The following KCNMA1 variants were observed in gnomAD, a reference collection of about 807,000 sequenced individuals.
The protein encoded by KCNMA1 is potassium calcium-activated channel subfamily M alpha 1, also known as Calcium-activated potassium channel subunit alpha-1.
Under a neutral mutation model 140.0 loss-of-function variants are expected in KCNMA1, and 29 were observed. The ratio of observed to expected loss-of-function variants is 0.21; its 90% confidence interval spans 0.15 to 0.28. KCNMA1 has a LOEUF of 0.28. KCNMA1 is among the 10% of genes least tolerant of loss of function. The pLI, the probability that KCNMA1 is intolerant of heterozygous loss-of-function variation, is 1.00. For synonymous variants in KCNMA1, 612 were observed against 611.9 expected (o/e 1.00, Z 0.00); for missense variants, 880 against 1,602.2 (o/e 0.55, Z 7.70).
intron 2 of KCNMA1, among the ~76,000 whole-genome samples, chr10:77,326,702 C>A (rs969138265): frequency 2.6e-5 from 4 of 152,154 alleles, no homozygotes; most frequent in Non-Finnish European, 5.9e-5. Flanking sequence ...CATATTAATG[C>A]TATTGATAAT....
At chr10:76,985,302 C>T (rs979563145) in intron 19 of KCNMA1, among the ~76,000 whole-genome samples, 5 of 152,128 alleles carry the variant, frequency 3.3e-5, no homozygotes, top group East Asian at 3.9e-4. Context: ...GCTCTAACAA[C>T]GTGTTATTAA....
chr10:77,636,863 C>T lies in KCNMA1; in HGVS notation c.378+402G>A, dbSNP rs2093799844. On this transcript the variant is annotated intron_variant, in intron 1 of 27. Transcript: ENST00000286628. ...CTCTCGCCCACCGCCAGGAGCCGAG[C>T]CCCGGCAGGTGAGCGGTGCAAAACA... 4.2e-6 allele frequency: 6 copies of T among 1,429,790 alleles called. No homozygotes were observed. The East Asian group carries it at 1.3e-4, about 30-fold the overall frequency. The allele number at this position is 1,429,790 out of a possible 1,614,324, so 88.6% of individuals were successfully genotyped here. A position where few individuals can be genotyped will look rare whatever the true frequency, so the allele number is the denominator to read the frequency against.
rs559385154 is a variant in KCNMA1, at chr10:77,173,749, A to G, written c.808+9672T>C. Among the ~76,000 whole-genome samples, 7 of 152,256 alleles carry G rather than the reference A, an allele frequency of 4.6e-5. No homozygotes were observed. In the East Asian group the frequency reaches 5.8e-4, roughly 13 times the overall value. On this transcript the variant is annotated intron_variant, in intron 5 of 27. Coordinates refer to ENST00000286628, the MANE Select transcript of KCNMA1 (RefSeq NM_001161352.2). ...CTTAGAAGGCTCTGGGCTTCAGGGA[A>G]TCTAGATGTCCAAGTTGAAAGTCAG...
At chr10:77,171,347 C>A (rs1163586501) in intron 5 of KCNMA1, among the ~76,000 whole-genome samples, 3 of 151,798 alleles carry the variant, frequency 2.0e-5, no homozygotes, top group South Asian at 2.1e-4. Flanking sequence ...TACCACGACC[C>A]AAAGAGCCTC....
intron 3 of KCNMA1, among the ~76,000 whole-genome samples, chr10:77,212,858 A>G (rs947082359): frequency 6.6e-6 from 1 of 152,188 alleles, no homozygotes; most frequent in African/African-American, 2.4e-5. Context: ...ATGACAGGAA[A>G]CTTCTAGACA....
intron 1 of KCNMA1, among the ~76,000 whole-genome samples, chr10:77,432,155 G>A (rs752791193): frequency 6.6e-6 from 1 of 152,144 alleles, no homozygotes; most frequent in Non-Finnish European, 1.5e-5. Context: ...GAGCACCTTC[G>A]GGTTACTGGG....
chr10:77,466,541 A>G (rs1296039260), intron 1 of KCNMA1, among the ~76,000 whole-genome samples: 2 of 152,226 alleles, frequency 1.3e-5, no homozygotes, highest in Non-Finnish European at 2.9e-5. Context: ...ACAAAGGCCA[A>G]TCAAGTACAC....
chr10:77,383,665 GT>G (rs995003590), intron 2 of KCNMA1, among the ~76,000 whole-genome samples: 4 of 151,906 alleles, frequency 2.6e-5, no homozygotes, highest in Non-Finnish European at 5.9e-5. Flanking sequence ...TTATAATAAG[GT>G]TTTTTTACAG....
At chr10:77,069,894 C>T (rs182303192) in intron 14 of KCNMA1, among the ~76,000 whole-genome samples, 32 of 152,236 alleles carry the variant, frequency 2.1e-4, no homozygotes, top group African/African-American at 6.3e-4. Context: ...TGGCTCACTG[C>T]GACCTCCGCC....
chr10:77,140,327 A>T (rs917960974), intron 5 of KCNMA1: 2 of 152,830 alleles, frequency 1.3e-5, no homozygotes, highest in African/African-American at 2.4e-5. Flanking sequence ...CAAGACACCA[A>T]TGACTGCCGG....
intron 3 of KCNMA1, among the ~76,000 whole-genome samples, chr10:77,198,730 C>T (rs2154150910): frequency 6.6e-6 from 1 of 152,096 alleles, no homozygotes; most frequent in African/African-American, 2.4e-5. Context: ...TAATATAAGG[C>T]TTGTTATCAT....
At chr10:76,930,448 C>T (rs577424957) in intron 23 of KCNMA1, among the ~76,000 whole-genome samples, 1 of 152,198 alleles carries the variant, frequency 6.6e-6, no homozygotes, top group East Asian at 1.9e-4. Flanking sequence ...GTTAAGATTG[C>T]TATTATTGAA....
intron 23 of KCNMA1, among the ~76,000 whole-genome samples, chr10:76,941,067 GAA>G (rs1491365562): frequency 4.0e-4 from 32 of 79,408 alleles, no homozygotes; most frequent in East Asian, 1.8e-3. Context: ...AAGAAAGAAA[GAA>G]AAAGAAAGAA....
intron 2 of KCNMA1, among the ~76,000 whole-genome samples, chr10:77,396,454 T>C (rs1163917690): frequency 6.6e-6 from 1 of 152,102 alleles, no homozygotes; most frequent in East Asian, 1.9e-4. Context: ...GTGAATGCAA[T>C]GAATGTGATA....
intron 3 of KCNMA1, among the ~76,000 whole-genome samples, chr10:77,206,761 C>T (rs1204536970): frequency 3.6e-5 from 3 of 83,296 alleles, no homozygotes; most frequent in Non-Finnish European, 6.5e-5. Flanking sequence ...CTTTGCTAAA[C>T]AAGTAAATAA....
At chr10:77,171,387 G>C (rs968259876) in intron 5 of KCNMA1, among the ~76,000 whole-genome samples, 1 of 111,370 alleles carries the variant, frequency 9.0e-6, no homozygotes, top group South Asian at 3.1e-4. Flanking sequence ...GTACGTGTGC[G>C]TGTGTGTGTG....
intron 1 of KCNMA1, among the ~76,000 whole-genome samples, chr10:77,505,193 G>A (rs2045392245): frequency 6.6e-6 from 1 of 152,206 alleles, no homozygotes; most frequent in African/African-American, 2.4e-5. Context: ...AAAATAAGTG[G>A]TACCTGGGTA....
At chr10:77,271,979 G>C (rs745406152) in intron 2 of KCNMA1, among the ~76,000 whole-genome samples, 1 of 152,152 alleles carries the variant, frequency 6.6e-6, no homozygotes, top group Non-Finnish European at 1.5e-5. Context: ...TCAGGTCTGA[G>C]TCCAGGCCAG....
chr10:77,011,593 A>G (rs545530582), intron 18 of KCNMA1, among the ~76,000 whole-genome samples: 1 of 152,282 alleles, frequency 6.6e-6, no homozygotes, highest in African/African-American at 2.4e-5. Context: ...CTATATACTC[A>G]GGGACCCCCA....
Sources: allele counts gnomAD v4.1 joint callset (sites outside exome capture counted in the v4.1 genomes callset), GRCh38; gene constraint gnomAD v4.1.1; transcripts MANE v1.5; gene names NCBI Gene and HGNC (gene_info 2026-07-23, HGNC 2026-07-21).